CCSER1: variants seen among roughly 807,000 people sequenced by gnomAD.
CCSER1 encodes serine-rich coiled-coil domain-containing protein 1.
Under a neutral mutation model 82.0 loss-of-function variants are expected in CCSER1, and 41 were observed. The ratio of observed to expected loss-of-function variants is 0.50; its 90% CI spans 0.39 to 0.65. The LOEUF is 0.65. Ranked by LOEUF, CCSER1 falls within the 30% of genes least tolerant of loss-of-function variation. The pLI, the probability that CCSER1 is intolerant of heterozygous loss-of-function variation, is 0.00. For missense variants in CCSER1, 1,119 were observed against 1,064.2 expected (o/e 1.05, Z -0.72); for synonymous variants, 414 against 383.9 (o/e 1.08, Z -0.92).
intron 9 of CCSER1, among the ~76,000 whole-genome samples, chr4:90,929,654 A>G (rs528410839): frequency 1.8e-3 from 271 of 152,326 alleles, no homozygotes; most frequent in African/African-American, 6.1e-3. Context: ...GTTATGAGGA[A>G]AACAGCAAGG....
chr4:90,540,038 A>G (rs1353462531), intron 5 of CCSER1, among the ~76,000 whole-genome samples: 1 of 152,084 alleles, frequency 6.6e-6, no homozygotes, highest in Non-Finnish European at 1.5e-5. Context: ...TAAGTTATCT[A>G]TAAGGAACGG....
At chr4:90,448,630 T>C (rs1450892297) in intron 4 of CCSER1, among the ~76,000 whole-genome samples, 1 of 151,690 alleles carries the variant, frequency 6.6e-6, no homozygotes, top group Non-Finnish European at 1.5e-5. Context: ...GGCACTTATG[T>C]CAATAATTTT....
intron 1 of CCSER1, among the ~76,000 whole-genome samples, chr4:90,146,586 ATTTAG>A (rs1255804891): frequency 2.0e-5 from 3 of 152,096 alleles, no homozygotes; most frequent in Admixed American, 2.0e-4. Flanking sequence ...AACTTGGAAA[ATTTAG>A]TTTAGTATTA....
At chr4:90,241,921 T>C (rs1746930437) in intron 1 of CCSER1, among the ~76,000 whole-genome samples, 1 of 152,218 alleles carries the variant, frequency 6.6e-6, no homozygotes, top group African/African-American at 2.4e-5. Context: ...AATTGTATTC[T>C]AAGAATCTTC....
intron 3 of CCSER1, among the ~76,000 whole-genome samples, chr4:90,373,261 T>C (rs1469029004): frequency 1.3e-5 from 2 of 152,156 alleles, no homozygotes; most frequent in Non-Finnish European, 2.9e-5. Flanking sequence ...AGTGATATGA[T>C]AGGGTTATAT....
At chr4:91,090,416 C>A (rs1433896240) in intron 10 of CCSER1, among the ~76,000 whole-genome samples, 1 of 152,144 alleles carries the variant, frequency 6.6e-6, no homozygotes, top group Non-Finnish European at 1.5e-5. Context: ...GAATGGATTT[C>A]TTTCTGTGTA....
rs78126823 is a variant in CCSER1, at chr4:91,317,254, C to G, written c.2217+231260C>G. Among the ~76,000 whole-genome samples the G allele has an allele frequency of 7.6e-4, 115 of 152,124 alleles. 1 individual carries two copies. The East Asian group carries it at 0.021, about 28-fold the overall frequency. Reference sequence around the variant, plus strand: ...CTCTGAAATCTCTTCCTACCAGTCTCTCAGCAATACATTAGCCAGACTGGC... The same window carrying G: ...CTCTGAAATCTCTTCCTACCAGTCTGTCAGCAATACATTAGCCAGACTGGC... On this transcript the variant is annotated intron_variant, in intron 10 of 10. Transcript: ENST00000509176.
At chr4:91,183,295 C>T (rs116420280) in intron 10 of CCSER1, among the ~76,000 whole-genome samples, 6,210 of 152,038 alleles carry the variant, frequency 0.041, 176 homozygotes, top group East Asian at 0.099. Context: ...CTACAAGCTC[C>T]GTTTTTGAGC....
At chr4:90,442,847 C>G (rs1760090290) in intron 4 of CCSER1, among the ~76,000 whole-genome samples, 1 of 152,134 alleles carries the variant, frequency 6.6e-6, no homozygotes, top group Non-Finnish European at 1.5e-5. Flanking sequence ...GAGGATTATG[C>G]TGACAGAGAG....
At chr4:91,054,270 T>C (rs1743248378) in intron 9 of CCSER1, among the ~76,000 whole-genome samples, 1 of 152,204 alleles carries the variant, frequency 6.6e-6, no homozygotes, top group Non-Finnish European at 1.5e-5. Flanking sequence ...ACCAATTTAA[T>C]CTCAGACATT....
chr4:91,508,178 TTC>T (rs1578651821), intron 10 of CCSER1, among the ~76,000 whole-genome samples: 2 of 147,566 alleles, frequency 1.4e-5, no homozygotes, highest in South Asian at 2.1e-4. Context: ...TTTTTTTTTT[TTC>T]CTGATCTTGG....
intron 3 of CCSER1, among the ~76,000 whole-genome samples, chr4:90,323,344 C>T (rs1382050267): frequency 6.6e-6 from 1 of 152,200 alleles, no homozygotes; most frequent in East Asian, 1.9e-4. Flanking sequence ...GTTCTTGTGA[C>T]CTGTCTTTCA....
intron 6 of CCSER1, among the ~76,000 whole-genome samples, chr4:90,716,912 A>G (rs1157876666): frequency 6.6e-6 from 1 of 152,162 alleles, no homozygotes; most frequent in South Asian, 2.1e-4. Flanking sequence ...GTAGAGCTGG[A>G]TTATCAATAT....
intron 10 of CCSER1, among the ~76,000 whole-genome samples, chr4:91,117,296 A>T (rs766594518): frequency 1.9e-4 from 29 of 152,220 alleles, no homozygotes; most frequent in African/African-American, 7.0e-4. Flanking sequence ...CTGAGACATC[A>T]TAGTGTTAAT....
intron 6 of CCSER1, among the ~76,000 whole-genome samples, chr4:90,719,950 C>G (rs78312460): frequency 6.6e-6 from 1 of 151,970 alleles, no homozygotes; most frequent in Non-Finnish European, 1.5e-5. Context: ...AAGGATTTGT[C>G]TCGTCTATTT....
intron 10 of CCSER1, among the ~76,000 whole-genome samples, chr4:91,436,169 C>T (rs1754636628): frequency 6.6e-6 from 1 of 152,240 alleles, no homozygotes; most frequent in African/African-American, 2.4e-5. Context: ...TTGCACCAAC[C>T]TAATAAGACT....
intron 5 of CCSER1, among the ~76,000 whole-genome samples, chr4:90,572,546 G>A (rs1333715836): frequency 6.6e-6 from 1 of 150,982 alleles, no homozygotes; most frequent in Non-Finnish European, 1.5e-5. Flanking sequence ...CTCTGCATTT[G>A]TTTAAATAAC....
intron 9 of CCSER1, among the ~76,000 whole-genome samples, chr4:91,037,913 G>C (rs1741593721): frequency 6.6e-6 from 1 of 151,830 alleles, no homozygotes. Flanking sequence ...ACATATCTCT[G>C]GATAGTAAAA....
At chr4:91,311,056 C>T (rs1335546079) in intron 10 of CCSER1, among the ~76,000 whole-genome samples, 1 of 151,918 alleles carries the variant, frequency 6.6e-6, no homozygotes, top group Non-Finnish European at 1.5e-5. Context: ...GTAACTATTA[C>T]TTTCTTTAAT....
Sources: gnomAD v4.1 joint callset for allele counts (sites outside exome capture counted in the v4.1 genomes callset) on GRCh38, gnomAD v4.1.1 for gene constraint, MANE v1.5 for transcripts, NCBI Gene and HGNC (gene_info 2026-07-23, HGNC 2026-07-21) for gene names.